Variants in SNX29 observed in about 807,000 individuals in gnomAD.
SNX29 encodes sorting nexin 29, also known as sorting nexin-29.
Under a neutral mutation model 102.1 loss-of-function variants are expected in SNX29, and 78 were observed. That is an observed-to-expected ratio of 0.76 (90% CI 0.64 to 0.92). The LOEUF (loss-of-function observed/expected upper bound fraction) is 0.92, where lower values mean the gene tolerates loss of function less well. SNX29 is among the 40% of genes least tolerant of loss of function. The pLI is 0.00. For missense variants in SNX29, 1,280 were observed against 1,061.7 expected, an observed-to-expected ratio of 1.21 and a Z score of -2.86; for synonymous variants, 580 against 414.5, an observed-to-expected ratio of 1.40 and a Z score of -4.85.
At chr16:12,553,950 C>A (rs1036642121) in intron 20 of SNX29, among the ~76,000 whole-genome samples, 1 of 152,136 alleles carries the variant, frequency 6.6e-6, no homozygotes, top group Non-Finnish European at 1.5e-5. Flanking sequence ...GCCTCAGCCA[C>A]CCAAGTAGCT....
intron 19 of SNX29, among the ~76,000 whole-genome samples, chr16:12,486,306 C>T (rs2088228542): frequency 6.6e-6 from 1 of 152,134 alleles, no homozygotes; most frequent in Non-Finnish European, 1.5e-5. Context: ...TGTGTCAGGG[C>T]CCTTAATTTC....
At chr16:12,319,885 G>A (rs931047990) in intron 15 of SNX29, among the ~76,000 whole-genome samples, 3 of 152,138 alleles carry the variant, frequency 2.0e-5, no homozygotes, top group Non-Finnish European at 4.4e-5. Flanking sequence ...AGAACTGCTC[G>A]GGCTCAGCCA....
intron 15 of SNX29, among the ~76,000 whole-genome samples, chr16:12,346,540 C>T (rs1024445401): frequency 4.7e-4 from 71 of 152,208 alleles, no homozygotes; most frequent in African/African-American, 1.5e-3. Context: ...CTCTGGCGTT[C>T]GCACCACGCC....
At chr16:12,466,772 GTTGGCTGCCTGGGCTC>G (rs1341888656) in intron 18 of SNX29, among the ~76,000 whole-genome samples, 1 of 152,230 alleles carries the variant, frequency 6.6e-6, no homozygotes, top group Non-Finnish European at 1.5e-5. Context: ...GGCCATAGCA[GTTGGCTGCCTGGGCTC>G]TTGGGTCCTC....
chr16:12,033,589 G>C (rs1322507219), intron 4 of SNX29, among the ~76,000 whole-genome samples: 2 of 151,776 alleles, frequency 1.3e-5, no homozygotes, highest in African/African-American at 4.8e-5. Flanking sequence ...CCTATGTATG[G>C]AACTACCCGT....
intron 15 of SNX29, among the ~76,000 whole-genome samples, chr16:12,279,120 A>G (rs1034122508): frequency 7.2e-5 from 11 of 152,320 alleles, no homozygotes; most frequent in African/African-American, 2.4e-4. Flanking sequence ...GTCTGTATGT[A>G]CATACATACA....
chr16:11,981,368 TG>T (rs984375798), intron 1 of SNX29, among the ~76,000 whole-genome samples: 10 of 152,160 alleles, frequency 6.6e-5, no homozygotes, highest in African/African-American at 2.4e-4. Context: ...CCTCCCAAAG[TG>T]CTGGGATTAC....
intron 16 of SNX29, among the ~76,000 whole-genome samples, chr16:12,393,767 G>A (rs1238718660): frequency 1.3e-5 from 2 of 152,264 alleles, no homozygotes; most frequent in African/African-American, 2.4e-5. Flanking sequence ...TTCGCAGATT[G>A]TTTGAAGATT....
chr16:12,523,286 C>T (rs1472654123), intron 19 of SNX29, among the ~76,000 whole-genome samples: 1 of 152,262 alleles, frequency 6.6e-6, no homozygotes, highest in East Asian at 1.9e-4. Context: ...CCGAGGCCCA[C>T]TGCAGACAGC....
chr16:12,134,549 A>T (rs1567237454), intron 13 of SNX29, among the ~76,000 whole-genome samples: 2 of 152,212 alleles, frequency 1.3e-5, no homozygotes, highest in Non-Finnish European at 2.9e-5. Context: ...ACAGTAGCTG[A>T]CTTCCCAGGG....
chr16:12,248,290 G>T (rs545871414), intron 14 of SNX29, among the ~76,000 whole-genome samples: 1 of 152,076 alleles, frequency 6.6e-6, no homozygotes, highest in African/African-American at 2.4e-5. Context: ...GTTCTTCATC[G>T]TGTTGCATCT....
rs77558357 is a variant in SNX29, at chr16:12,344,733, C to T, written c.1783-11430C>T. Among the ~76,000 whole-genome samples the T allele has an allele frequency of 3.6e-3, 548 of 152,302 alleles. 1 individual carries two copies. Among genetic ancestry groups the T allele is most frequent in the Non-Finnish European group, 6.2e-3 (422 of 68,028 alleles). On this transcript the variant is annotated intron_variant, in intron 15 of 20. Transcript: ENST00000566228. ...CTGTATCCTCCTCTTCCTCTTTCTCCTCCTGGGCTGCCTGCCCAGCAGGCT... is the reference window on the plus strand; with the variant it reads ...CTGTATCCTCCTCTTCCTCTTTCTCTTCCTGGGCTGCCTGCCCAGCAGGCT...
chr16:12,360,339 A>T (rs2082266680), intron 16 of SNX29, among the ~76,000 whole-genome samples: 1 of 151,732 alleles, frequency 6.6e-6, no homozygotes, highest in African/African-American at 2.4e-5. Flanking sequence ...CTTTTTTGTC[A>T]TTATTGTGGA....
At position 12,556,130 on chromosome 16, in the gene SNX29, A is replaced by T. The variant is rs189451906; in HGVS notation, c.2319-12376A>T. 8.5e-5 allele frequency among the ~76,000 whole-genome samples: 13 copies of T among 152,278 alleles called. No homozygotes were observed. The South Asian group carries it at 2.5e-3, about 29-fold the overall frequency. On this transcript the variant is annotated intron_variant, in intron 20 of 20. Coordinates refer to ENST00000566228, the MANE Select transcript of SNX29 (RefSeq NM_032167.5). ...TATGGGTTATTACTCTTATGTTCTC[A>T]AAGTGATGGTTGGAGTGGTTAAATC...
At chr16:12,479,702 T>A (rs112261390) in intron 19 of SNX29, among the ~76,000 whole-genome samples, 34 of 152,338 alleles carry the variant, frequency 2.2e-4, no homozygotes, top group African/African-American at 7.7e-4. Context: ...ATTCAGAATG[T>A]CCTAAAATGT....
chr16:12,113,598 G>A (rs1397569231), intron 11 of SNX29, among the ~76,000 whole-genome samples: 1 of 152,184 alleles, frequency 6.6e-6, no homozygotes, highest in East Asian at 1.9e-4. Flanking sequence ...GAAGGAAGCT[G>A]TGCAGCTCCG....
intron 11 of SNX29, among the ~76,000 whole-genome samples, chr16:12,097,498 A>G (rs1010838085): frequency 2.6e-5 from 4 of 151,574 alleles, no homozygotes; most frequent in African/African-American, 7.3e-5. Flanking sequence ...TGAGTACACA[A>G]GGTCTCAGTA....
At chr16:12,152,234 A>T (rs1352577170) in intron 13 of SNX29, among the ~76,000 whole-genome samples, 1 of 152,052 alleles carries the variant, frequency 6.6e-6, no homozygotes, top group Non-Finnish European at 1.5e-5. Flanking sequence ...AAAAAAATGC[A>T]TGCAATAATA....
At chr16:12,243,391 C>T (rs1316923439) in intron 14 of SNX29, among the ~76,000 whole-genome samples, 6 of 152,210 alleles carry the variant, frequency 3.9e-5, no homozygotes, top group Non-Finnish European at 5.9e-5. Flanking sequence ...TCTTACACAC[C>T]TGATGTCTCC....
Sources: gnomAD v4.1 joint callset for allele counts (sites outside exome capture counted in the v4.1 genomes callset) on GRCh38, gnomAD v4.1.1 for gene constraint, MANE v1.5 for transcripts, NCBI Gene and HGNC (gene_info 2026-07-23, HGNC 2026-07-21) for gene names.